The following TYW1 variants were observed in gnomAD, a reference collection of about 807,000 sequenced individuals.
TYW1 encodes the protein S-adenosyl-L-methionine-dependent tRNA 4-demethylwyosine synthase TYW1.
In TYW1, 46 loss-of-function variants were observed where a neutral mutation model predicts 96.2. The ratio of observed to expected loss-of-function variants is 0.48; its 90% CI spans 0.38 to 0.61. The LOEUF (loss-of-function observed/expected upper bound fraction) is 0.61. Among genes scored for constraint, TYW1 ranks in the 20% least tolerant of loss-of-function variants. The pLI is 0.00. For missense variants in TYW1, 684 were observed against 909.6 expected, an observed-to-expected ratio of 0.75 and a Z score of 3.19; for synonymous variants, 274 against 323.0, an observed-to-expected ratio of 0.85 and a Z score of 1.63.
chr7:67,186,283 T>TCC (rs68120749), intron 14 of TYW1, among the ~76,000 whole-genome samples: 1 of 54,988 alleles, frequency 1.8e-5, no homozygotes, highest in Non-Finnish European at 3.1e-5. Flanking sequence ...GCCCCACCTC[T>TCC]CCCCCCTCCT....
chr7:67,089,626 G>C (rs1250243019), intron 11 of TYW1, among the ~76,000 whole-genome samples: 1 of 152,190 alleles, frequency 6.6e-6, no homozygotes, highest in Non-Finnish European at 1.5e-5. Context: ...CTTATTGTCT[G>C]AGTTCCCCAA....
At chr7:67,234,479 A>C (rs1440593761) in intron 15 of TYW1, among the ~76,000 whole-genome samples, 3 of 152,130 alleles carry the variant, frequency 2.0e-5, no homozygotes, top group African/African-American at 7.2e-5. Context: ...TCAAGACAGG[A>C]AGAGAGCCCT....
chr7:67,189,854 G>GT (rs1319577643), intron 14 of TYW1, among the ~76,000 whole-genome samples: 1 of 151,986 alleles, frequency 6.6e-6, no homozygotes, highest in Non-Finnish European at 1.5e-5. Flanking sequence ...AAATTAGCAT[G>GT]TATCTTAGCT....
intron 15 of TYW1, among the ~76,000 whole-genome samples, chr7:67,203,894 TG>T (rs1189782933): frequency 6.6e-6 from 1 of 152,158 alleles, no homozygotes; most frequent in African/African-American, 2.4e-5. Context: ...AGGATGTTTT[TG>T]GCAGGTAAAG....
At chr7:67,002,042 AAAAAAAAGGAAAGAAG>A (rs1482386050) in intron 3 of TYW1, among the ~76,000 whole-genome samples, 19 of 150,890 alleles carry the variant, frequency 1.3e-4, no homozygotes, top group African/African-American at 4.6e-4. Context: ...TCAAACAAAA[AAAAAAAAGGAAAGAAG>A]AAAAAAAGAG....
chr7:67,166,820 T>C (rs1355694381), intron 13 of TYW1, among the ~76,000 whole-genome samples: 1 of 152,110 alleles, frequency 6.6e-6, no homozygotes, highest in East Asian at 1.9e-4. Context: ...ATTGCACTAA[T>C]AACTTTTCTG....
At chr7:66,998,037 G>T (rs1372422952) in intron 1 of TYW1, 28 bp from the exon 2 acceptor site, 17 of 1,561,758 alleles carry the variant, frequency 1.1e-5, no homozygotes, top group African/African-American at 1.4e-5. Flanking sequence ...AGCTTTAAAT[G>T]AAATTGTGTG....
At chr7:67,112,100 CAAAAAAAAAA>C (rs538839042) in intron 12 of TYW1, among the ~76,000 whole-genome samples, 55 of 94,890 alleles carry the variant, frequency 5.8e-4, no homozygotes, top group Admixed American at 1.1e-3. Context: ...CTCTGTCTGA[CAAAAAAAAAA>C]AAAAAAAAAA....
intron 11 of TYW1, among the ~76,000 whole-genome samples, chr7:67,093,935 T>G (rs1479571871): frequency 2.6e-5 from 4 of 152,206 alleles, no homozygotes; most frequent in Non-Finnish European, 5.9e-5. Flanking sequence ...ATTAGGCTTC[T>G]TGCATACCCA....
chr7:67,109,376 A>G lies in TYW1; in HGVS notation c.1563-8107A>G, dbSNP rs566289712. ...GATGTCAGCAGAAATAGCAGAGCAC[A>G]GACCTTAAAAATCTTGTTTCTCTGT... On this transcript the variant is annotated intron_variant, in intron 12 of 15. Transcript: ENST00000359626. Among the ~76,000 whole-genome samples, 3 of 152,198 alleles carry G rather than the reference A, an allele frequency of 2.0e-5. No individual in the cohort carries two copies. In the South Asian group the frequency reaches 6.2e-4, roughly 32 times the overall value.
At chr7:67,206,930 G>A (rs906779466) in intron 15 of TYW1, among the ~76,000 whole-genome samples, 3 of 151,966 alleles carry the variant, frequency 2.0e-5, no homozygotes, top group Admixed American at 1.3e-4. Context: ...CTTCACAATC[G>A]GTTCCTTTTT....
At chr7:67,207,400 T>C (rs915041808) in intron 15 of TYW1, among the ~76,000 whole-genome samples, 1 of 152,218 alleles carries the variant, frequency 6.6e-6, no homozygotes, top group Non-Finnish European at 1.5e-5. Flanking sequence ...ACTCCATTTA[T>C]TCAGTAAATA....
chr7:67,200,360 A>C (rs1800552172), intron 15 of TYW1, among the ~76,000 whole-genome samples: 1 of 152,178 alleles, frequency 6.6e-6, no homozygotes. Context: ...AAAGGAAAAG[A>C]GGTTTAATGG....
chr7:67,237,306 C>T (rs1382922817), intron 15 of TYW1, among the ~76,000 whole-genome samples: 2 of 144,568 alleles, frequency 1.4e-5, no homozygotes, highest in African/African-American at 5.3e-5. Context: ...CGAGACCATC[C>T]TGGCTAACAC....
intron 6 of TYW1, among the ~76,000 whole-genome samples, chr7:67,019,529 T>C (rs956331304): frequency 9.8e-5 from 15 of 152,290 alleles, no homozygotes; most frequent in African/African-American, 3.6e-4. Flanking sequence ...TGTCTCACTA[T>C]GTTGCCCAGG....
chr7:67,224,019 A>G (rs899003966), intron 15 of TYW1, among the ~76,000 whole-genome samples: 2 of 152,032 alleles, frequency 1.3e-5, no homozygotes, highest in African/African-American at 4.8e-5. Flanking sequence ...ATTTATACTT[A>G]GTTGGATTCT....
intron 8 of TYW1, among the ~76,000 whole-genome samples, chr7:67,050,457 A>G (rs1043817792): frequency 1.3e-5 from 2 of 152,128 alleles, no homozygotes; most frequent in Non-Finnish European, 2.9e-5. Flanking sequence ...TGAATGAGTA[A>G]TAATATTAGT....
chr7:67,055,491 C>T (rs1330585334), intron 8 of TYW1, among the ~76,000 whole-genome samples: 6 of 151,142 alleles, frequency 4.0e-5, no homozygotes, highest in Non-Finnish European at 8.8e-5. Context: ...CCCAATTACG[C>T]GGGAGTCTGA....
intron 14 of TYW1, among the ~76,000 whole-genome samples, chr7:67,185,628 T>C (rs1347078373): frequency 7.9e-5 from 12 of 151,896 alleles, no homozygotes; most frequent in Non-Finnish European, 1.5e-4. Context: ...TGGGGAGAAA[T>C]GTTGAGCTCC....
Sources: allele counts gnomAD v4.1 joint callset (sites outside exome capture counted in the v4.1 genomes callset), GRCh38; gene constraint gnomAD v4.1.1; transcripts MANE v1.5; gene names NCBI Gene and HGNC (gene_info 2026-07-23, HGNC 2026-07-21).